RARRES1: variants seen among roughly 807,000 people sequenced by gnomAD.
The protein encoded by RARRES1 is retinoic acid receptor responder 1.
Under a neutral mutation model 30.6 loss-of-function variants are expected in RARRES1, and 34 were observed. The observed-to-expected ratio is 1.11, with a 90% confidence interval of 0.84 to 1.48. RARRES1 has a LOEUF of 1.48. Ranked by LOEUF, RARRES1 falls within the 40% of genes most tolerant of loss-of-function variation. The pLI, the probability that RARRES1 is intolerant of heterozygous loss-of-function variation, is 0.00. For missense variants in RARRES1, 373 were observed against 386.5 expected (o/e 0.97, Z 0.29); for synonymous variants, 153 against 155.5 (o/e 0.98, Z 0.12).
chr3:158,726,922 C>A (rs2566346), intron 1 of RARRES1, among the ~76,000 whole-genome samples: 116,193 of 152,154 alleles, frequency 0.76, 45,240 homozygotes, highest in African/African-American at 0.89. Context: ...GTTTGGCACC[C>A]TCCCCTTGGT....
intron 1 of RARRES1, among the ~76,000 whole-genome samples, chr3:158,729,543 C>T (rs1453773807): frequency 3.3e-5 from 5 of 152,064 alleles, no homozygotes; most frequent in East Asian, 2.0e-4. Flanking sequence ...CTCTGCCTCC[C>T]GGGTTCAAGC....
intron 1 of RARRES1, among the ~76,000 whole-genome samples, chr3:158,724,109 G>T (rs192761570): frequency 6.6e-6 from 1 of 152,258 alleles, no homozygotes; most frequent in Admixed American, 6.5e-5. Context: ...AGAGGAGAGG[G>T]CAGGTGGGTT....
At chr3:158,727,961 T>C (rs1435170176) in intron 1 of RARRES1, among the ~76,000 whole-genome samples, 2 of 152,202 alleles carry the variant, frequency 1.3e-5, no homozygotes, top group Non-Finnish European at 2.9e-5. Flanking sequence ...GGCAACAGTA[T>C]TTTTAAAATG....
chr3:158,702,573 T>C (rs1726773084), intron 4 of RARRES1, among the ~76,000 whole-genome samples: 1 of 152,240 alleles, frequency 6.6e-6, no homozygotes, highest in African/African-American at 2.4e-5. Flanking sequence ...TATCTCAATG[T>C]GTTGCTCTAT....
chr3:158,730,424 CTTTCTCTCTCTT>C (rs1727844955), intron 1 of RARRES1, among the ~76,000 whole-genome samples: 1 of 146,520 alleles, frequency 6.8e-6, no homozygotes, highest in African/African-American at 2.5e-5. Context: ...TCCTCTCTCT[CTTTCTCTCTCTT>C]TTTTTTCCCC....
Position 158,732,150 on chromosome 3 carries a change from C to A in RARRES1, c.266G>T (p.Gly89Val). Residue 89 changes from glycine to valine, a missense_variant, in exon 1 of 6, where the codon GGC (glycine) becomes GTC (valine). Coordinates refer to ENST00000237696, the MANE Select transcript of RARRES1 (RefSeq NM_206963.2). ...TCGCTCCGCACTCACCCACGCGCGG[C>A]CCTCCTGCACCTCGGCCAGCACTCG... Reference protein sequence around the residue: ...ALRVLAEVQEGRAWINPKEGC... With the variant: ...ALRVLAEVQEVRAWINPKEGC... 1 of 1,386,850 alleles carries A rather than the reference C, an allele frequency of 7.2e-7. No individual in the cohort carries two copies. Among genetic ancestry groups the A allele is most frequent in the Non-Finnish European group, 9.3e-7 (1 of 1,077,970 alleles). 85.9% of individuals were successfully genotyped at this position (1,386,850 alleles called of 1,614,324 possible).
chr3:158,720,483 G>A (rs1727481372), intron 1 of RARRES1, among the ~76,000 whole-genome samples: 1 of 152,152 alleles, frequency 6.6e-6, no homozygotes, highest in Admixed American at 6.6e-5. Flanking sequence ...AGTTCTGGAG[G>A]CCAGAAGGCC....
At position 158,723,649 on chromosome 3, in the gene RARRES1, T is replaced by C. The variant is rs1727584111; in HGVS notation, c.276+8491A>G. ...GCCAGAATACTGTGTGTCCTCTCTCTCAGCCAACCCTGGGTCCCACGTTCT... is the reference window on the plus strand; with the variant it reads ...GCCAGAATACTGTGTGTCCTCTCTCCCAGCCAACCCTGGGTCCCACGTTCT... On this transcript the variant is annotated intron_variant, in intron 1 of 5. Coordinates refer to ENST00000237696, the MANE Select transcript of RARRES1 (RefSeq NM_206963.2). The surrounding 1 kb of genome is among the most constrained non-coding windows in gnomAD (Gnocchi z 4.4). Among the ~76,000 whole-genome samples, 1 of 152,228 alleles carries C rather than the reference T, an allele frequency of 6.6e-6. No homozygotes were observed. The highest frequency in any genetic ancestry group is 1.5e-5 in the Non-Finnish European group (1 of 68,044).
chr3:158,726,040 A>G (rs1445231880), intron 1 of RARRES1, among the ~76,000 whole-genome samples: 1 of 152,228 alleles, frequency 6.6e-6, no homozygotes, highest in African/African-American at 2.4e-5. Context: ...CCTAATGCCT[A>G]TAAAAGCCCT....
At chr3:158,725,039 G>C (rs1455280166) in intron 1 of RARRES1, among the ~76,000 whole-genome samples, 1 of 152,126 alleles carries the variant, frequency 6.6e-6, no homozygotes, top group Non-Finnish European at 1.5e-5. Flanking sequence ...GCCCAGGCTG[G>C]TCTTGAACTC....
At chr3:158,698,026 C>G in intron 4 of RARRES1, 56 bp from the exon 5 acceptor site, 1 of 1,214,272 alleles carries the variant, frequency 8.2e-7, no homozygotes, top group Non-Finnish European at 1.2e-6. Flanking sequence ...AGTGTAATAA[C>G]TATACAATAC....
intron 4 of RARRES1, 44 bp downstream of exon 4, chr3:158,704,743 TTTGA>T (rs760622084): frequency 6.3e-7 from 1 of 1,596,182 alleles, no homozygotes; most frequent in Non-Finnish European, 8.5e-7. Flanking sequence ...AGGAGACCAC[TTTGA>T]TTGTAACTCT....
chr3:158,717,572 G>A (rs1231700361), intron 1 of RARRES1, among the ~76,000 whole-genome samples: 1 of 152,236 alleles, frequency 6.6e-6, no homozygotes, highest in Non-Finnish European at 1.5e-5. Context: ...CTGACTGGGT[G>A]GCAAGGGCCA....
chr3:158,730,319 CAAAA>C (rs58772915), intron 1 of RARRES1, among the ~76,000 whole-genome samples: 1 of 79,412 alleles, frequency 1.3e-5, no homozygotes. Flanking sequence ...GACTCTGTCT[CAAAA>C]AAAAAAAAAA....
chr3:158,699,439 C>CG (rs1049700557), intron 4 of RARRES1, among the ~76,000 whole-genome samples: 2 of 150,542 alleles, frequency 1.3e-5, no homozygotes, highest in South Asian at 2.1e-4. Flanking sequence ...AAGCAACCCC[C>CG]CCCCCACCAA....
chr3:158,731,587 TGC>T (rs1283915559), intron 1 of RARRES1, among the ~76,000 whole-genome samples: 3 of 152,240 alleles, frequency 2.0e-5, no homozygotes. Context: ...AGCAGGTTTC[TGC>T]CCAGGCCTAC....
chr3:158,705,659 C>G (rs149560126), intron 3 of RARRES1: 1 of 152,156 alleles, frequency 6.6e-6, no homozygotes, highest in African/African-American at 2.4e-5. Flanking sequence ...TTCACCTTAC[C>G]TTCTGGTTTA....
intron 1 of RARRES1, among the ~76,000 whole-genome samples, chr3:158,731,731 C>T (rs1260001358): frequency 6.6e-6 from 1 of 152,232 alleles, no homozygotes; most frequent in African/African-American, 2.4e-5. Context: ...TGGCTGCAGC[C>T]ACTAGTAGGG....
At chr3:158,730,933 G>A (rs1015025268) in intron 1 of RARRES1, among the ~76,000 whole-genome samples, 19 of 152,178 alleles carry the variant, frequency 1.2e-4, no homozygotes, top group South Asian at 8.3e-4. Flanking sequence ...ACAGGCATGC[G>A]CCACCACACC....
Sources: gnomAD v4.1 joint callset for allele counts (sites outside exome capture counted in the v4.1 genomes callset) on GRCh38, gnomAD v4.1.1 for gene constraint, Gnocchi (gnomAD v3.1) non-coding constraint, MANE v1.5 for transcripts, NCBI Gene and HGNC (gene_info 2026-07-23, HGNC 2026-07-21) for gene names.